Variants in PTPRR observed in about 807,000 individuals in gnomAD.
PTPRR encodes protein tyrosine phosphatase receptor type R.
A neutral mutation model predicts 77.2 loss-of-function variants in PTPRR; 38 were observed. The ratio of observed to expected loss-of-function variants is 0.49; its 90% CI spans 0.38 to 0.65. The LOEUF is 0.65. PTPRR is among the 30% of genes least tolerant of loss of function. PTPRR has a pLI of 0.00. For missense variants in PTPRR, 744 were observed against 799.2 expected, an observed-to-expected ratio of 0.93 and a Z score of 0.83; for synonymous variants, 299 against 283.1, an observed-to-expected ratio of 1.06 and a Z score of -0.57.
chr12:70,725,713 T>A (rs1185673278), intron 6 of PTPRR, among the ~76,000 whole-genome samples: 4 of 152,192 alleles, frequency 2.6e-5, no homozygotes, highest in Admixed American at 6.6e-5. Flanking sequence ...TTAAAAAAAA[T>A]TAGAATTGGT....
intron 2 of PTPRR, among the ~76,000 whole-genome samples, chr12:70,819,542 T>A (rs1331616032): frequency 6.6e-6 from 1 of 152,212 alleles, no homozygotes; most frequent in Non-Finnish European, 1.5e-5. Context: ...TACTATAGAA[T>A]GAAAATGTCT....
At chr12:70,743,656 A>G (rs900104828) in intron 6 of PTPRR, among the ~76,000 whole-genome samples, 32 of 152,090 alleles carry the variant, frequency 2.1e-4, no homozygotes, top group African/African-American at 7.7e-4. Context: ...GGATGCAGTG[A>G]AGTTGTAGAT....
At position 70,679,638 on chromosome 12, in the gene PTPRR, G is replaced by T. The variant is rs547021145; in HGVS notation, c.1497+4489C>A. On this transcript the variant is annotated intron_variant, in intron 10 of 13. Transcript: ENST00000283228. ...ATTAACCCATGTATCATTATATAAT[G>T]ATCTTCTTTGTGCTTTTTTGTGATT... Among the ~76,000 whole-genome samples the T allele has an allele frequency of 3.3e-5, 5 of 151,980 alleles. No individual in the cohort carries two copies. In the East Asian group the frequency reaches 7.7e-4, roughly 24 times the overall value.
At position 70,764,665 on chromosome 12, in the gene PTPRR, A is replaced by C. The variant is rs1346392519; in HGVS notation, c.471T>G (p.Ile157Met). The stretch of plus-strand genomic sequence containing the variant: ...GAAATGCGAAATGTGGGTATCTTAC[A>C]ATGAGGCGATTGATGTGCACTTGCT... ...LPQQVHINRL[I>M]GKKNSIELFV... Residue 157 changes from isoleucine to methionine, a missense_variant and splice_region_variant, in exon 3 of 14, where the codon ATT becomes ATG. Physicochemically the swap from Ile to Met is conservative, Grantham distance 10 (BLOSUM62 1). Coordinates refer to ENST00000283228, the MANE Select transcript of PTPRR (RefSeq NM_002849.4). 6.2e-7 allele frequency: 1 copy of C among 1,608,820 alleles called. No individual in the cohort carries two copies. Among genetic ancestry groups the C allele is most frequent in the African/African-American group, 1.3e-5 (1 of 74,778 alleles).
At chr12:70,884,693 C>A (rs1229205271) in intron 2 of PTPRR, among the ~76,000 whole-genome samples, 1 of 147,310 alleles carries the variant, frequency 6.8e-6, no homozygotes, top group African/African-American at 2.5e-5. Flanking sequence ...CGGTGAAACC[C>A]CGTCTCTACT....
intron 2 of PTPRR, among the ~76,000 whole-genome samples, chr12:70,875,263 C>T (rs1565727004): frequency 6.6e-6 from 1 of 152,084 alleles, no homozygotes; most frequent in East Asian, 1.9e-4. Context: ...TTGTAGAATA[C>T]AAAACAACAC....
chr12:70,852,414 T>C (rs1892586051), intron 2 of PTPRR, among the ~76,000 whole-genome samples: 1 of 152,206 alleles, frequency 6.6e-6, no homozygotes. Context: ...AATGGCATAG[T>C]TAACTGCAAC....
At chr12:70,871,814 T>C (rs941895722) in intron 2 of PTPRR, among the ~76,000 whole-genome samples, 2 of 152,202 alleles carry the variant, frequency 1.3e-5, no homozygotes, top group Non-Finnish European at 2.9e-5. Context: ...TCTCTGATAG[T>C]GAAATTTTAG....
intron 2 of PTPRR, among the ~76,000 whole-genome samples, chr12:70,885,752 T>G (rs1021331968): frequency 1.3e-5 from 2 of 152,090 alleles, no homozygotes; most frequent in African/African-American, 4.8e-5. Context: ...CAGGATGATC[T>G]CGATCTACTG....
chr12:70,830,024 G>A (rs960618158), intron 2 of PTPRR, among the ~76,000 whole-genome samples: 1 of 152,130 alleles, frequency 6.6e-6, no homozygotes, highest in African/African-American at 2.4e-5. Context: ...GGGTCTTAGA[G>A]TTTGGCTCTA....
At position 70,788,908 on chromosome 12, in the gene PTPRR, C is replaced by T. The variant is rs966816385; in HGVS notation, c.358-24130G>A. On this transcript the variant is annotated intron_variant, in intron 2 of 13. Coordinates refer to ENST00000283228, the MANE Select transcript of PTPRR (RefSeq NM_002849.4). ...CCTTACCATAGCAAGCAGGACTAAT[C>T]GTAAAGCTTTCTAAGCTTGTGTGCT... 41 of 1,473,240 alleles carry T rather than the reference C, an allele frequency of 2.8e-5. No homozygotes were observed. The African/African-American group carries it at 4.6e-4, about 17-fold the overall frequency. 91.3% of individuals were successfully genotyped at this position (1,473,240 alleles called of 1,614,324 possible). A position where few individuals can be genotyped will look rare whatever the true frequency, so the allele number is the denominator to read the frequency against.
At chr12:70,700,552 A>G (rs540119135) in intron 7 of PTPRR, among the ~76,000 whole-genome samples, 305 of 152,284 alleles carry the variant, frequency 2.0e-3, no homozygotes, top group Middle Eastern at 0.01. Flanking sequence ...TGGCTGCCTC[A>G]TTCAATTAAT....
At chr12:70,913,462 G>A (rs1045724590) in intron 1 of PTPRR, among the ~76,000 whole-genome samples, 1 of 152,092 alleles carries the variant, frequency 6.6e-6, no homozygotes, top group Non-Finnish European at 1.5e-5. Context: ...TCAGTAATCA[G>A]GGTTAGGAGT....
At chr12:70,735,724 G>T (rs541850851) in intron 6 of PTPRR, among the ~76,000 whole-genome samples, 2 of 152,178 alleles carry the variant, frequency 1.3e-5, no homozygotes, top group African/African-American at 4.8e-5. Flanking sequence ...GTGACATTGA[G>T]CATATTACTT....
chr12:70,795,176 A>C (rs150736877), intron 2 of PTPRR, among the ~76,000 whole-genome samples: 1 of 152,100 alleles, frequency 6.6e-6, no homozygotes, highest in African/African-American at 2.4e-5. Context: ...CTGGCTTACT[A>C]TTTCTCAAAA....
At chr12:70,795,252 A>G (rs1302450382) in intron 2 of PTPRR, among the ~76,000 whole-genome samples, 2 of 152,194 alleles carry the variant, frequency 1.3e-5, no homozygotes, top group African/African-American at 4.8e-5. Flanking sequence ...CCCAACTTAT[A>G]TTAAATTACA....
chr12:70,678,309 G>A (rs1887526137), intron 10 of PTPRR, among the ~76,000 whole-genome samples: 1 of 152,204 alleles, frequency 6.6e-6, no homozygotes, highest in African/African-American at 2.4e-5. Context: ...CCAAAGTGCT[G>A]GGGTTACAGG....
At chr12:70,709,378 G>T (rs370218235) in intron 6 of PTPRR, among the ~76,000 whole-genome samples, 4 of 152,228 alleles carry the variant, frequency 2.6e-5, no homozygotes, top group African/African-American at 9.6e-5. Flanking sequence ...ATGGGCAAAA[G>T]CCGGAAGCAT....
intron 3 of PTPRR, among the ~76,000 whole-genome samples, chr12:70,762,815 C>A (rs1305305150): frequency 1.3e-5 from 2 of 152,168 alleles, no homozygotes. Flanking sequence ...CTCCAAAACA[C>A]ATGATGCTAA....
Sources: gnomAD v4.1 joint callset for allele counts (sites outside exome capture counted in the v4.1 genomes callset) on GRCh38, gnomAD v4.1.1 for gene constraint, MANE v1.5 for transcripts, NCBI Gene and HGNC (gene_info 2026-07-23, HGNC 2026-07-21) for gene names.